Variants in CLIC5 observed in about 807,000 individuals in gnomAD.
CLIC5 encodes chloride intracellular channel protein 5.
Under a neutral mutation model 24.7 loss-of-function variants are expected in CLIC5, and 20 were observed. The ratio of observed to expected loss-of-function variants is 0.81; its 90% confidence interval spans 0.57 to 1.18. The LOEUF is 1.18. Among genes scored for constraint, CLIC5 ranks in the 50% most tolerant of loss-of-function variants. The pLI is 0.00. For synonymous variants in CLIC5, 159 were observed against 135.6 expected (o/e 1.17, Z -1.20); for missense variants, 341 against 326.1 (o/e 1.05, Z -0.35).
intron 1 of CLIC5, among the ~76,000 whole-genome samples, chr6:46,076,467 T>A (rs1194242512): frequency 6.6e-6 from 1 of 151,816 alleles, no homozygotes; most frequent in African/African-American, 2.4e-5. Context: ...GCAAGGAGAG[T>A]CGGAAGAAGG....
At chr6:46,039,612 T>G (rs1767752708) in intron 1 of CLIC5, among the ~76,000 whole-genome samples, 1 of 152,086 alleles carries the variant, frequency 6.6e-6, no homozygotes, top group Non-Finnish European at 1.5e-5. Context: ...TCTGATTTGC[T>G]GAGATATAAT....
intron 1 of CLIC5, among the ~76,000 whole-genome samples, chr6:46,000,504 T>C (rs888080859): frequency 9.2e-5 from 14 of 152,318 alleles, no homozygotes; most frequent in African/African-American, 3.1e-4. Context: ...GGATGGTCTT[T>C]GTCTTTCATC....
intron 1 of CLIC5, among the ~76,000 whole-genome samples, chr6:46,041,929 G>A (rs1767819010): frequency 6.6e-6 from 1 of 152,110 alleles, no homozygotes; most frequent in Non-Finnish European, 1.5e-5. Context: ...TCTTGTCACT[G>A]CCATCACTAT....
intron 6 of CLIC5, among the ~76,000 whole-genome samples, chr6:45,891,495 G>C (rs1452757028): frequency 6.6e-6 from 1 of 152,098 alleles, no homozygotes; most frequent in African/African-American, 2.4e-5. Context: ...AATTAGCCGG[G>C]CATGGTGGCA....
chr6:46,105,602 G>C, the CLIC5 span, among the ~76,000 whole-genome samples: 1 of 152,100 alleles, frequency 6.6e-6, no homozygotes, highest in Non-Finnish European at 1.5e-5. Flanking sequence ...AGTGACTCAG[G>C]CCCCTTAAGA....
At chr6:46,114,573 C>T in the CLIC5 span, among the ~76,000 whole-genome samples, 1 of 152,192 alleles carries the variant, frequency 6.6e-6, no homozygotes, top group East Asian at 1.9e-4. Context: ...CCTCTCTGAT[C>T]CTGTGTAGCA....
chr6:45,992,697 A>G (rs1765985321), intron 1 of CLIC5, among the ~76,000 whole-genome samples: 1 of 152,188 alleles, frequency 6.6e-6, no homozygotes, highest in Non-Finnish European at 1.5e-5. Context: ...TATTTTCATT[A>G]TCACCTCCCT....
intron 1 of CLIC5, among the ~76,000 whole-genome samples, chr6:45,980,018 A>G (rs1445893288): frequency 1.6e-5 from 2 of 123,646 alleles, no homozygotes; most frequent in Non-Finnish European, 3.3e-5. Context: ...TCTTCTAGGA[A>G]TTTTATAGTT....
chr6:46,080,370 G>C (rs1000472270), upstream of CLIC5: 1 of 686,556 alleles, frequency 1.5e-6, no homozygotes, highest in Non-Finnish European at 2.5e-6. Context: ...ACTAGCAACT[G>C]CTATCAATGA....
At chr6:46,048,002 C>G (rs568452119) in intron 1 of CLIC5, among the ~76,000 whole-genome samples, 2 of 125,534 alleles carry the variant, frequency 1.6e-5, no homozygotes, top group South Asian at 5.0e-4. Flanking sequence ...ACTTCCATAT[C>G]TACTTTTTTT....
At chr6:45,957,849 G>A (rs1345010221) in intron 1 of CLIC5, among the ~76,000 whole-genome samples, 2 of 152,084 alleles carry the variant, frequency 1.3e-5, no homozygotes, top group East Asian at 1.9e-4. Context: ...GATCTGTGAC[G>A]ACCATCTGAA....
chr6:46,126,597 G>A, the CLIC5 span, among the ~76,000 whole-genome samples: 4 of 152,024 alleles, frequency 2.6e-5, no homozygotes, highest in African/African-American at 9.7e-5. Context: ...TTTCACCAAA[G>A]GAACTTTCAA....
intron 3 of CLIC5, among the ~76,000 whole-genome samples, chr6:45,948,118 G>A (rs940923823): frequency 6.6e-6 from 1 of 152,202 alleles, no homozygotes; most frequent in African/African-American, 2.4e-5. Context: ...CTAGAAGGAT[G>A]AAATGAATCA....
In CLIC5 at chr6:46,028,094, A is replaced by G. The variant is rs150502600; in HGVS notation, c.540+51609T>C. Among the ~76,000 whole-genome samples, 117 of 152,344 alleles carry G rather than the reference A, an allele frequency of 7.7e-4. No homozygotes were observed. In the Middle Eastern group the frequency reaches 0.014, roughly 18 times the overall value. On this transcript the variant is annotated intron_variant, in intron 1 of 5. Transcript: ENST00000185206. ...ATGGACACAAGACTTAATGCCCTTC[A>G]TGAAGCCTCCCAACATTAATGTGGA...
intron 6 of CLIC5, among the ~76,000 whole-genome samples, chr6:45,890,901 A>G (rs1468947137): frequency 1.3e-5 from 2 of 152,136 alleles, no homozygotes; most frequent in African/African-American, 2.4e-5. Flanking sequence ...AATGGTGGTT[A>G]CCAGAGGCTG....
Position 45,902,541 on chromosome 6 carries a change from T to G in CLIC5, c.*547A>C, listed in dbSNP as rs1471764133. 6.5e-6 allele frequency: 1 copy of G among 154,306 alleles called. No homozygotes were observed. Among genetic ancestry groups the G allele is most frequent in the East Asian group, 1.9e-4 (1 of 5,192 alleles). The allele number at this position is 154,306 out of a possible 1,614,324, so 9.6% of individuals were successfully genotyped here. ...GGCCCTTAGTGCCCAATAACCAGAG[T>G]GTCAGAAGTAGTGAGACTGAAGCTG... On this transcript the variant is annotated 3_prime_UTR_variant, in exon 6 of 6. Transcript: ENST00000339561.
intron 1 of CLIC5, among the ~76,000 whole-genome samples, chr6:46,047,076 G>A (rs1360421205): frequency 1.3e-5 from 2 of 152,200 alleles, no homozygotes; most frequent in Non-Finnish European, 2.9e-5. Flanking sequence ...GCAAGCATAA[G>A]ATATTTGAGC....
intron 1 of CLIC5, among the ~76,000 whole-genome samples, chr6:46,001,558 A>T (rs1766360294): frequency 6.6e-6 from 1 of 151,510 alleles, no homozygotes; most frequent in South Asian, 2.1e-4. Flanking sequence ...ACTCTCCCAG[A>T]CCCCCAGGCT....
intron 4 of CLIC5, among the ~76,000 whole-genome samples, chr6:45,937,232 C>T (rs1181742554): frequency 6.6e-6 from 1 of 152,184 alleles, no homozygotes; most frequent in African/African-American, 2.4e-5. Flanking sequence ...AGAGCTGAAG[C>T]AGCAGTTTCT....
Sources: allele counts gnomAD v4.1 joint callset (sites outside exome capture counted in the v4.1 genomes callset), GRCh38; gene constraint gnomAD v4.1.1; transcripts MANE v1.5; gene names NCBI Gene and HGNC (gene_info 2026-07-23, HGNC 2026-07-21).